The following PIGU variants were observed in gnomAD, a reference collection of about 807,000 sequenced individuals.
The protein encoded by PIGU is GPI-anchor transamidase component PIGU.
PIGU carries 24 observed loss-of-function variants against 49.9 expected under a neutral mutation model. The ratio of observed to expected loss-of-function variants is 0.48; its 90% CI spans 0.35 to 0.68. The LOEUF (loss-of-function observed/expected upper bound fraction) is 0.68. Among genes scored for constraint, PIGU ranks in the 30% least tolerant of loss-of-function variants. PIGU has a pLI of 0.01. For missense variants in PIGU, 490 were observed against 532.6 expected, an observed-to-expected ratio of 0.92 and a Z score of 0.79; for synonymous variants, 220 against 205.7, an observed-to-expected ratio of 1.07 and a Z score of -0.59.
At chr20:34,659,230 C>A (rs1986836560) in intron 1 of PIGU, among the ~76,000 whole-genome samples, 1 of 148,302 alleles carries the variant, frequency 6.7e-6, no homozygotes. Context: ...GCCCGGCCAG[C>A]CGCCCCGTCC....
chr20:34,661,560 T>A (rs1287651249), intron 1 of PIGU, among the ~76,000 whole-genome samples: 1 of 151,928 alleles, frequency 6.6e-6, no homozygotes, highest in Non-Finnish European at 1.5e-5. Context: ...TTTTTTTTTT[T>A]AATGCTGCAT....
intron 10 of PIGU, among the ~76,000 whole-genome samples, chr20:34,575,982 C>T (rs985292744): frequency 2.6e-5 from 4 of 152,170 alleles, no homozygotes; most frequent in African/African-American, 9.7e-5. Context: ...GGGTACAGAC[C>T]TTGGTTAAAA....
At chr20:34,564,035 C>T (rs1307585534) in intron 11 of PIGU, among the ~76,000 whole-genome samples, 2 of 152,190 alleles carry the variant, frequency 1.3e-5, no homozygotes, top group African/African-American at 4.8e-5. Flanking sequence ...CTGGCCAGCG[C>T]TCCTCAACTG....
intron 11 of PIGU, among the ~76,000 whole-genome samples, chr20:34,572,978 G>T (rs1216328801): frequency 6.6e-6 from 1 of 152,130 alleles, no homozygotes; most frequent in Non-Finnish European, 1.5e-5. Context: ...AATGATGGGG[G>T]CTCAGGCAGA....
intron 6 of PIGU, among the ~76,000 whole-genome samples, chr20:34,626,341 T>C (rs1985489631): frequency 6.6e-6 from 1 of 151,880 alleles, no homozygotes; most frequent in Non-Finnish European, 1.5e-5. Flanking sequence ...CCGCTTTTGT[T>C]GCCCAGGCTG....
intron 7 of PIGU, among the ~76,000 whole-genome samples, chr20:34,593,735 C>T (rs1177426146): frequency 6.6e-6 from 1 of 152,114 alleles, no homozygotes; most frequent in African/African-American, 2.4e-5. Context: ...CTTAGGGATC[C>T]AAATATATTT....
intron 1 of PIGU, among the ~76,000 whole-genome samples, chr20:34,660,177 G>GA (rs1986888916): frequency 6.6e-6 from 1 of 151,814 alleles, no homozygotes; most frequent in South Asian, 2.1e-4. Flanking sequence ...CAAAGAAATA[G>GA]AAAATCACCA....
chr20:34,641,598 G>C (rs1188490993), intron 4 of PIGU, among the ~76,000 whole-genome samples: 2 of 152,180 alleles, frequency 1.3e-5, no homozygotes, highest in African/African-American at 4.8e-5. Flanking sequence ...CAGCTGGAGA[G>C]GGGGTGGGGG....
At chr20:34,599,226 G>A (rs1364567458) in intron 7 of PIGU, among the ~76,000 whole-genome samples, 1 of 152,120 alleles carries the variant, frequency 6.6e-6, no homozygotes, top group Admixed American at 6.5e-5. Context: ...GCCAAGGTGA[G>A]TAGATCACTT....
intron 1 of PIGU, among the ~76,000 whole-genome samples, chr20:34,664,823 T>C (rs932301156): frequency 6.6e-6 from 1 of 151,950 alleles, no homozygotes; most frequent in African/African-American, 2.4e-5. Flanking sequence ...ACCCTGTCTC[T>C]ACCAAAAATA....
chr20:34,591,984 A>G (rs6120684), intron 7 of PIGU, among the ~76,000 whole-genome samples: 126,244 of 152,064 alleles, frequency 0.83, 52,683 homozygotes, highest in Admixed American at 0.91. Flanking sequence ...TCAGGGGATC[A>G]AAACCATCCT....
Position 34,560,813 on chromosome 20 carries a change from A to C in PIGU, c.*53T>G, listed in dbSNP as rs1982460376. The C allele has an allele frequency of 8.1e-6, 11 of 1,359,106 alleles. No individual in the cohort carries two copies. Among genetic ancestry groups the C allele is most frequent in the Non-Finnish European group, 1.1e-5 (11 of 1,001,954 alleles). 84.2% of individuals were successfully genotyped at this position (1,359,106 alleles called of 1,614,324 possible). A position where few individuals can be genotyped will look rare whatever the true frequency, so the allele number is the denominator to read the frequency against. ...CAACTCTGGCTGGAGGGCTTGGCCC[A>C]GCTTCTGGCCCCACAGCCCCCTGAG... On this transcript the variant is annotated 3_prime_UTR_variant, in exon 12 of 12. Coordinates refer to ENST00000217446, the MANE Select transcript of PIGU (RefSeq NM_080476.5).
intron 2 of PIGU, among the ~76,000 whole-genome samples, chr20:34,650,564 C>A (rs528148862): frequency 6.6e-6 from 1 of 151,948 alleles, no homozygotes; most frequent in Non-Finnish European, 1.5e-5. Context: ...CCACTGCATC[C>A]GGCTGATCAC....
chr20:34,625,694 C>T (rs534406612), intron 6 of PIGU, among the ~76,000 whole-genome samples: 43 of 128,734 alleles, frequency 3.3e-4, no homozygotes, highest in African/African-American at 1.1e-3. Context: ...GCCTGGACAA[C>T]AGAACAAGAC....
chr20:34,572,978 G>A (rs1216328801), intron 11 of PIGU, among the ~76,000 whole-genome samples: 3 of 152,130 alleles, frequency 2.0e-5, no homozygotes, highest in Non-Finnish European at 2.9e-5. Flanking sequence ...AATGATGGGG[G>A]CTCAGGCAGA....
At chr20:34,662,917 T>C (rs962653038) in intron 1 of PIGU, among the ~76,000 whole-genome samples, 5 of 152,196 alleles carry the variant, frequency 3.3e-5, no homozygotes, top group African/African-American at 9.7e-5. Context: ...GTTTTTGTTT[T>C]TGTTTTGGAG....
intron 8 of PIGU, among the ~76,000 whole-genome samples, 192 bp from the exon 9 acceptor site, chr20:34,585,772 A>T (rs1303221412): frequency 7.2e-5 from 11 of 152,236 alleles, no homozygotes; most frequent in Non-Finnish European, 1.5e-5. Flanking sequence ...GCAGAGACAT[A>T]TAATGATAAC....
chr20:34,644,993 T>A (rs1258867348), intron 3 of PIGU, among the ~76,000 whole-genome samples: 3 of 152,056 alleles, frequency 2.0e-5, no homozygotes, highest in African/African-American at 7.2e-5. Flanking sequence ...AAGACATAAG[T>A]TTTTGCTTTT....
intron 7 of PIGU, among the ~76,000 whole-genome samples, chr20:34,600,396 AAAGAG>A (rs376598728): frequency 3.0e-4 from 46 of 152,068 alleles, no homozygotes; most frequent in East Asian, 9.7e-4. Flanking sequence ...GACAGAGAAA[AAAGAG>A]AAGAGAAGAG....
Sources: allele counts gnomAD v4.1 joint callset (sites outside exome capture counted in the v4.1 genomes callset), GRCh38; gene constraint gnomAD v4.1.1; transcripts MANE v1.5; gene names NCBI Gene and HGNC (gene_info 2026-07-23, HGNC 2026-07-21).